Variants in C6 observed in about 807,000 individuals in gnomAD.
C6 encodes complement component C6.
In C6, 101 loss-of-function variants were observed where a neutral mutation model predicts 112.9. The ratio of observed to expected loss-of-function variants is 0.89; its 90% confidence interval spans 0.76 to 1.06. C6 has a LOEUF of 1.06. Ranked by LOEUF, C6 falls within the 50% of genes least tolerant of loss-of-function variation. C6 has a pLI of 0.00. For synonymous variants in C6, 431 were observed against 384.1 expected (o/e 1.12, Z -1.43); for missense variants, 1,202 against 1,104.6 (o/e 1.09, Z -1.25).
At chr5:41,150,707 C>T (rs373162399) in intron 15 of C6, among the ~76,000 whole-genome samples, 13 of 151,580 alleles carry the variant, frequency 8.6e-5, no homozygotes, top group African/African-American at 3.2e-4. Flanking sequence ...GTCAATATGG[C>T]GAAACCCCAT....
chr5:41,228,291 T>C (rs1370194868), intron 1 of C6, among the ~76,000 whole-genome samples: 1 of 152,304 alleles, frequency 6.6e-6, no homozygotes, highest in East Asian at 1.9e-4. Context: ...AATACTATGA[T>C]ATTTTAAATG....
chr5:41,196,069 G>A, intron 4 of C6, 136 bp from the exon 5 acceptor site: 2 of 995,120 alleles, frequency 2.0e-6, no homozygotes, highest in Non-Finnish European at 3.1e-6. Flanking sequence ...AGAGTTTTAG[G>A]GAGCACATAA....
intron 1 of C6, 96 bp from the exon 2 acceptor site, chr5:41,203,346 A>T (rs1376735248): frequency 7.4e-7 from 1 of 1,343,982 alleles, no homozygotes; most frequent in Non-Finnish European, 1.0e-6. Flanking sequence ...GATTTTAGAA[A>T]ATATTTGCAT....
chr5:41,142,334 G>A lies in C6; in HGVS notation c.*491C>T, dbSNP rs564613317. ...GCTTTTGTCTGTTTTATTATCTGCC[G>A]AGTTCTCAGGACTTTGGTCAGTACT... On this transcript the variant is annotated 3_prime_UTR_variant, in exon 18 of 18. Transcript: ENST00000337836. 1.8e-4 allele frequency: 29 copies of A among 160,088 alleles called. No individual in the cohort carries two copies. The South Asian group carries it at 4.1e-3, about 23-fold the overall frequency. The allele number at this position is 160,088 out of a possible 1,614,324, so 9.9% of individuals were successfully genotyped here. A position where few individuals can be genotyped will look rare whatever the true frequency, so the allele number is the denominator to read the frequency against.
chr5:41,201,806 A>G (rs1020766070), intron 2 of C6, 92 bp from the exon 3 acceptor site: 155 of 1,215,568 alleles, frequency 1.3e-4, no homozygotes, highest in Non-Finnish European at 1.8e-4. Context: ...TAACTACAAT[A>G]AATAGAAAAG....
chr5:41,147,912 C>G (rs939679070), intron 17 of C6, among the ~76,000 whole-genome samples: 1 of 152,096 alleles, frequency 6.6e-6, no homozygotes, highest in Admixed American at 6.6e-5. Flanking sequence ...GAATGCTACT[C>G]CTTAAGTATT....
At chr5:41,162,001 G>A in intron 9 of C6, 142 bp from the exon 10 acceptor site, 6 of 743,916 alleles carry the variant, frequency 8.1e-6, no homozygotes, top group Non-Finnish European at 1.4e-5. Context: ...AAGTGAAAAA[G>A]CAAGAGAACA....
At chr5:41,236,866 T>A (rs1469492040) in intron 1 of C6, among the ~76,000 whole-genome samples, 1 of 133,796 alleles carries the variant, frequency 7.5e-6, no homozygotes, top group African/African-American at 2.9e-5. Flanking sequence ...AAGAATCAAA[T>A]AGACACAATA....
intron 1 of C6, among the ~76,000 whole-genome samples, chr5:41,229,202 G>T (rs1166432981): frequency 6.6e-6 from 1 of 151,588 alleles, no homozygotes; most frequent in Non-Finnish European, 1.5e-5. Flanking sequence ...TCTGATATTT[G>T]TTATTTTCTT....
upstream of C6, among the ~76,000 whole-genome samples, chr5:41,217,601 C>T (rs185668216): frequency 3.9e-5 from 6 of 152,160 alleles, no homozygotes; most frequent in Admixed American, 1.3e-4. Flanking sequence ...TTGAACAATG[C>T]ATAATGATGA....
chr5:41,218,679 C>T (rs993689799), intron 1 of C6, among the ~76,000 whole-genome samples: 1 of 152,050 alleles, frequency 6.6e-6, no homozygotes, highest in African/African-American at 2.4e-5. Flanking sequence ...AGTGATAGGC[C>T]AGGATTGGGT....
chr5:41,193,058 T>C (rs1750340550), intron 5 of C6, among the ~76,000 whole-genome samples: 1 of 152,218 alleles, frequency 6.6e-6, no homozygotes, highest in African/African-American at 2.4e-5. Flanking sequence ...TCAATAAGGC[T>C]GTTTTTTAAA....
At chr5:41,236,317 C>A (rs1377361419) in intron 1 of C6, among the ~76,000 whole-genome samples, 3 of 141,890 alleles carry the variant, frequency 2.1e-5, no homozygotes, top group Non-Finnish European at 3.1e-5. Context: ...TTTCCCAGCA[C>A]CATTTATTAA....
At chr5:41,242,296 A>G (rs1740766695) in intron 1 of C6, among the ~76,000 whole-genome samples, 1 of 152,206 alleles carries the variant, frequency 6.6e-6, no homozygotes, top group African/African-American at 2.4e-5. Context: ...AGATCTGATC[A>G]TCTTATAAGC....
chr5:41,143,051 T>G, intron 17 of C6, 45 bp from the exon 18 acceptor site: 1 of 1,574,608 alleles, frequency 6.4e-7, no homozygotes, highest in Non-Finnish European at 8.7e-7. Context: ...CACAGTACAT[T>G]AGGGTTTGGC....
chr5:41,252,135 T>A (rs1339834224), intron 1 of C6, among the ~76,000 whole-genome samples: 2 of 152,244 alleles, frequency 1.3e-5, no homozygotes, highest in African/African-American at 4.8e-5. Context: ...TGTGATTCAC[T>A]TTCAAACTTG....
intron 1 of C6, among the ~76,000 whole-genome samples, chr5:41,230,162 A>G (rs890560355): frequency 2.0e-5 from 3 of 152,124 alleles, no homozygotes; most frequent in Admixed American, 1.3e-4. Context: ...GTAAAAATTG[A>G]TTGTAAAACA....
At chr5:41,227,579 A>G (rs185111229) in intron 1 of C6, among the ~76,000 whole-genome samples, 1 of 152,174 alleles carries the variant, frequency 6.6e-6, no homozygotes, top group Non-Finnish European at 1.5e-5. Flanking sequence ...GTAGTTTTAT[A>G]GTTTCAGAGT....
At chr5:41,165,403 T>C (rs1444051448) in intron 9 of C6, among the ~76,000 whole-genome samples, 1 of 152,216 alleles carries the variant, frequency 6.6e-6, no homozygotes, top group Non-Finnish European at 1.5e-5. Context: ...CTACCAGCAA[T>C]GTATGGCAGG....
Sources: allele counts gnomAD v4.1 joint callset (sites outside exome capture counted in the v4.1 genomes callset), GRCh38; gene constraint gnomAD v4.1.1; transcripts MANE v1.5; gene names NCBI Gene and HGNC (gene_info 2026-07-23, HGNC 2026-07-21).